The following GMDS variants were observed in gnomAD, a reference collection of about 807,000 sequenced individuals.
GMDS encodes the protein GDP-mannose 4,6-dehydratase, also known as GDP-mannose 4,6 dehydratase.
In GMDS, 20 loss-of-function variants were observed where a neutral mutation model predicts 49.9. That is an observed-to-expected ratio of 0.40 (90% CI 0.28 to 0.58). The LOEUF is 0.58. Ranked by LOEUF, GMDS falls within the 20% of genes least tolerant of loss-of-function variation. The pLI is 0.42. For synonymous variants in GMDS, 177 were observed against 178.6 expected (o/e 0.99, Z 0.07); for missense variants, 362 against 481.4 (o/e 0.75, Z 2.32).
intron 7 of GMDS, among the ~76,000 whole-genome samples, chr6:1,861,827 C>A (rs572908227): frequency 6.6e-6 from 1 of 152,240 alleles, no homozygotes; most frequent in South Asian, 2.1e-4. Flanking sequence ...TTTATAAACA[C>A]ATTTTGTCTT....
At chr6:1,911,569 C>T (rs1761057943) in intron 7 of GMDS, among the ~76,000 whole-genome samples, 1 of 150,446 alleles carries the variant, frequency 6.6e-6, no homozygotes, top group Admixed American at 6.6e-5. Context: ...AAAAAAAAGC[C>T]GTGGAATTTG....
At chr6:2,106,628 C>G (rs1191690920) in intron 4 of GMDS, among the ~76,000 whole-genome samples, 2 of 152,022 alleles carry the variant, frequency 1.3e-5, no homozygotes, top group Non-Finnish European at 2.9e-5. Flanking sequence ...TTTGGGAGGC[C>G]AAGGCAGGTG....
At chr6:2,044,783 G>C (rs951341363) in intron 4 of GMDS, among the ~76,000 whole-genome samples, 8 of 152,260 alleles carry the variant, frequency 5.3e-5, no homozygotes, top group African/African-American at 1.7e-4. Flanking sequence ...TTATTAATTG[G>C]AACACTTCAA....
At chr6:1,917,279 G>A (rs1477728922) in intron 7 of GMDS, among the ~76,000 whole-genome samples, 1 of 152,154 alleles carries the variant, frequency 6.6e-6, no homozygotes, top group Non-Finnish European at 1.5e-5. Context: ...CAGAAACATG[G>A]CACAGTATCA....
chr6:2,122,303 C>T (rs189082556), intron 2 of GMDS, among the ~76,000 whole-genome samples: 8 of 152,280 alleles, frequency 5.3e-5, no homozygotes, highest in Admixed American at 4.6e-4. Context: ...ATTCCCAGAT[C>T]CCTGAACCAG....
chr6:2,227,148 T>A lies in GMDS; in HGVS notation c.102+18173A>T, dbSNP rs111600798. Among the ~76,000 whole-genome samples the A allele has an allele frequency of 9.2e-3, 1,404 of 152,266 alleles. 20 individuals are homozygous for A. The highest frequency in any genetic ancestry group is 0.032 in the African/African-American group (1,347 of 41,536). ...TTTCAATAGTGAACATTATTTTTAC[T>A]ATTCTGAATAAATGTTAAGGAAAAA... On this transcript the variant is annotated intron_variant, in intron 1 of 10. Coordinates refer to ENST00000380815, the MANE Select transcript of GMDS (RefSeq NM_001500.4).
intron 4 of GMDS, among the ~76,000 whole-genome samples, chr6:2,063,347 G>A (rs1053237332): frequency 6.6e-6 from 1 of 152,088 alleles, no homozygotes; most frequent in Non-Finnish European, 1.5e-5. Context: ...TACCTGAAAC[G>A]GTAAGATCTG....
chr6:2,138,911 T>C (rs1397676659), intron 1 of GMDS, among the ~76,000 whole-genome samples: 3 of 152,182 alleles, frequency 2.0e-5, no homozygotes, highest in Admixed American at 1.3e-4. Flanking sequence ...AGTCTCTTTG[T>C]GTTCCCACTG....
At chr6:1,835,353 G>T (rs1756876773) in intron 7 of GMDS, among the ~76,000 whole-genome samples, 1 of 152,146 alleles carries the variant, frequency 6.6e-6, no homozygotes, top group Non-Finnish European at 1.5e-5. Context: ...GAAGGAGGCG[G>T]CTTTGCTCTC....
chr6:2,202,053 G>A (rs1425412520), intron 1 of GMDS, among the ~76,000 whole-genome samples: 8 of 143,976 alleles, frequency 5.6e-5, no homozygotes, highest in African/African-American at 2.1e-4. Context: ...AGTGAGGGCA[G>A]CGCGTTAGCA....
At chr6:2,029,959 G>T (rs1253847538) in intron 4 of GMDS, among the ~76,000 whole-genome samples, 1 of 152,084 alleles carries the variant, frequency 6.6e-6, no homozygotes, top group Admixed American at 6.6e-5. Context: ...CTCGGTCCTA[G>T]TCAAACCTCT....
At chr6:2,032,882 T>C (rs886137505) in intron 4 of GMDS, among the ~76,000 whole-genome samples, 2 of 152,202 alleles carry the variant, frequency 1.3e-5, no homozygotes, top group Middle Eastern at 3.2e-3. Flanking sequence ...ATTTGCCATG[T>C]AACTTACTAA....
At chr6:2,007,997 C>T (rs1176060859) in intron 4 of GMDS, among the ~76,000 whole-genome samples, 1 of 152,122 alleles carries the variant, frequency 6.6e-6, no homozygotes, top group East Asian at 1.9e-4. Context: ...CCATGTATTA[C>T]AAAGAAAATA....
At chr6:2,173,128 T>C (rs998009574) in intron 1 of GMDS, among the ~76,000 whole-genome samples, 1 of 152,196 alleles carries the variant, frequency 6.6e-6, no homozygotes, top group African/African-American at 2.4e-5. Flanking sequence ...TCTGCACTTC[T>C]AGGTTATTTT....
chr6:1,888,599 T>G (rs911715309), intron 7 of GMDS, among the ~76,000 whole-genome samples: 3 of 152,110 alleles, frequency 2.0e-5, no homozygotes, highest in African/African-American at 4.8e-5. Flanking sequence ...CTGCCCCTGG[T>G]CTCTCCCAAA....
chr6:1,867,870 T>C (rs1017318413), intron 7 of GMDS, among the ~76,000 whole-genome samples: 8 of 152,106 alleles, frequency 5.3e-5, no homozygotes, highest in Non-Finnish European at 1.0e-4. Context: ...GTTTTGGAGG[T>C]ACAAGAAACA....
At chr6:1,799,524 G>A (rs549874286) in intron 7 of GMDS, among the ~76,000 whole-genome samples, 1 of 152,044 alleles carries the variant, frequency 6.6e-6, no homozygotes, top group Admixed American at 6.5e-5. Flanking sequence ...CATTATTATC[G>A]AAATAGGTGA....
intron 7 of GMDS, among the ~76,000 whole-genome samples, chr6:1,855,480 C>A (rs1251572608): frequency 6.6e-6 from 1 of 152,130 alleles, no homozygotes; most frequent in Non-Finnish European, 1.5e-5. Flanking sequence ...TATTCTAGAA[C>A]AGAGATCACT....
Position 2,000,629 on chromosome 6 carries a change from T to A in GMDS, c.346-39663A>T, listed in dbSNP as rs571498166. Among the ~76,000 whole-genome samples, 18 of 152,334 alleles carry A rather than the reference T, an allele frequency of 1.2e-4. No individual in the cohort carries two copies. The South Asian group carries it at 3.7e-3, about 32-fold the overall frequency. On this transcript the variant is annotated intron_variant, in intron 4 of 10. Coordinates refer to ENST00000380815, the MANE Select transcript of GMDS (RefSeq NM_001500.4). ...ACTTTATTACCTTAAAAAGAAACTG[T>A]CAATCTCACTTGTGTATGAAGTCTC...
Sources: allele counts gnomAD v4.1 joint callset (sites outside exome capture counted in the v4.1 genomes callset), GRCh38; gene constraint gnomAD v4.1.1; transcripts MANE v1.5; gene names NCBI Gene and HGNC (gene_info 2026-07-23, HGNC 2026-07-21).